ERCC4: variants seen among roughly 807,000 people sequenced by gnomAD.
ERCC4 encodes the protein ERCC excision repair 4, endonuclease catalytic subunit.
ERCC4 carries 65 observed loss-of-function variants against 76.9 expected under a neutral mutation model. That is an observed-to-expected ratio of 0.84 (90% CI 0.69 to 1.04). The LOEUF is 1.04. Ranked by LOEUF, ERCC4 falls within the 50% of genes least tolerant of loss-of-function variation. The pLI, the probability that ERCC4 is intolerant of heterozygous loss-of-function variation, is 0.00. For missense variants in ERCC4, 1,214 were observed against 1,128.2 expected, an observed-to-expected ratio of 1.08 and a Z score of -1.09; for synonymous variants, 463 against 410.1, an observed-to-expected ratio of 1.13 and a Z score of -1.56.
chr16:13,949,105 A>G lies in ERCC4; in HGVS notation c.*758A>G, dbSNP rs989352325. The G allele has an allele frequency of 4.3e-6, 1 of 233,026 alleles. No homozygotes were observed. The highest frequency in any genetic ancestry group is 8.5e-6 in the Non-Finnish European group (1 of 117,964). 14.4% of individuals were successfully genotyped at this position (233,026 alleles called of 1,614,324 possible). A position where few individuals can be genotyped will look rare whatever the true frequency, so the allele number is the denominator to read the frequency against. ...AATGACCCTAACATATGTAGCATAT[A>G]CTATAATTTCATTGTTCCAAATTAG... On this transcript the variant is annotated 3_prime_UTR_variant, in exon 11 of 11. Transcript: ENST00000311895.
chr16:13,931,858 C>T (rs2032178536), intron 5 of ERCC4: 1 of 328,738 alleles, frequency 3.0e-6, no homozygotes, highest in Middle Eastern at 8.3e-4. Flanking sequence ...TGCTTTTACG[C>T]CATCACTGGA....
At position 13,948,139 on chromosome 16, in the gene ERCC4, C is replaced by T. The variant is rs2141621070; in HGVS notation, c.2543C>T (p.Pro848Leu). ...LPESEKYNPGPQDFLLKMPGV... is the reference protein window; with the variant it reads ...LPESEKYNPGLQDFLLKMPGV... ...GAGTCAGAGAAGTATAATCCTGGTC[C>T]CCAAGACTTCTTGTTAAAAATGCCA... is the stretch of plus-strand genomic sequence containing the variant. The change falls in exon 11 of 11, where the codon CCC (proline) becomes CTC (leucine). Residue 848 changes from proline to leucine, a missense_variant. Coordinates refer to ENST00000311895, the MANE Select transcript of ERCC4 (RefSeq NM_005236.3). 6.2e-7 allele frequency: 1 copy of T among 1,614,096 alleles called. No individual in the cohort carries two copies. Among genetic ancestry groups the T allele is most frequent in the Non-Finnish European group, 8.5e-7 (1 of 1,180,022 alleles).
At chr16:13,930,245 A>G (rs1183247979) in intron 4 of ERCC4, among the ~76,000 whole-genome samples, 1 of 152,118 alleles carries the variant, frequency 6.6e-6, no homozygotes, top group Non-Finnish European at 1.5e-5. Context: ...GTGCTTGTGT[A>G]TGCCCTCTGC....
chr16:13,944,913 T>C, intron 10 of ERCC4, 78 bp downstream of exon 10: 2 of 922,422 alleles, frequency 2.2e-6, no homozygotes, highest in African/African-American at 1.6e-5. Flanking sequence ...CTGCCAAGGC[T>C]TGGTCTGTAT....
intron 9 of ERCC4, 95 bp downstream of exon 9, chr16:13,937,953 A>G (rs1293047604): frequency 3.7e-6 from 3 of 817,470 alleles, no homozygotes; most frequent in Non-Finnish European, 4.2e-6. Context: ...GGATAGGGCA[A>G]GGAAGACGTT....
At chr16:13,947,171 C>G (rs1442896908) in intron 10 of ERCC4, among the ~76,000 whole-genome samples, 1 of 152,204 alleles carries the variant, frequency 6.6e-6, no homozygotes, top group Non-Finnish European at 1.5e-5. Flanking sequence ...TTCCCCATCT[C>G]TGGACTCACT....
chr16:13,941,692 C>T (rs541152103), intron 9 of ERCC4, among the ~76,000 whole-genome samples: 17 of 152,214 alleles, frequency 1.1e-4, no homozygotes, highest in Admixed American at 7.2e-4. Flanking sequence ...TACCCAGGGA[C>T]GTAAAATGCT....
At chr16:13,929,327 C>T (rs1567244771) in intron 4 of ERCC4, among the ~76,000 whole-genome samples, 1 of 152,218 alleles carries the variant, frequency 6.6e-6, no homozygotes. Context: ...AGTTATATAT[C>T]CCAGTTTGTT....
chr16:13,938,236 T>G (rs3136166), intron 9 of ERCC4, among the ~76,000 whole-genome samples: 66,104 of 151,966 alleles, frequency 0.43, 16,257 homozygotes, highest in African/African-American at 0.68. Context: ...CAATATGTCC[T>G]TGGGTGGGTG....
chr16:13,950,758 TTA>T lies in ERCC4; in HGVS notation c.*2416_*2417del, dbSNP rs1162270735. On this transcript the variant is annotated 3_prime_UTR_variant, in exon 11 of 11. Transcript: ENST00000311895. ...CCACTTGCTTTTAATTGTTGTTTCA[TTA>T]TATAAAAGGAACATCTTCCCATAGC... 1 of 193,392 alleles carries T rather than the reference TTA, an allele frequency of 5.2e-6. No individual in the cohort carries two copies. The highest frequency in any genetic ancestry group is 2.3e-5 in the African/African-American group (1 of 43,112). The allele number at this position is 193,392 out of a possible 1,614,324, so 12.0% of individuals were successfully genotyped here.
rs188840787 is a variant in ERCC4 at position 13,950,935 on chromosome 16, A to C, written c.*2588A>C. On this transcript the variant is annotated 3_prime_UTR_variant, in exon 11 of 11. Transcript: ENST00000311895. ...ATACCAGTGCCCCCCTGGCTCTCCAAATCTGTTCTTTGCTCTTGTATCTGC... is the reference window on the plus strand; with the variant it reads ...ATACCAGTGCCCCCCTGGCTCTCCACATCTGTTCTTTGCTCTTGTATCTGC... 1.0e-5 allele frequency: 2 copies of C among 195,936 alleles called. No individual in the cohort carries two copies. The highest frequency in any genetic ancestry group is 7.9e-5 in the East Asian group (1 of 12,590). The allele number at this position is 195,936 out of a possible 1,614,324, so 12.1% of individuals were successfully genotyped here. A position where few individuals can be genotyped will look rare whatever the true frequency, so the allele number is the denominator to read the frequency against.
intron 1 of ERCC4, among the ~76,000 whole-genome samples, chr16:13,921,652 AGGATTCCC>A (rs2031978888): frequency 6.6e-6 from 1 of 152,232 alleles, no homozygotes; most frequent in Admixed American, 6.5e-5. Context: ...GTCTGGGGAA[AGGATTCCC>A]TTGTTATCAT....
intron 2 of ERCC4, among the ~76,000 whole-genome samples, chr16:13,923,604 A>G (rs1301194905): frequency 6.6e-6 from 1 of 152,208 alleles, no homozygotes; most frequent in Admixed American, 6.5e-5. Flanking sequence ...TTGAATGCTA[A>G]CACCCTGCTT....
Position 13,950,320 on chromosome 16 carries a change from T to C in ERCC4, c.*1973T>C, listed in dbSNP as rs1402005852. On this transcript the variant is annotated 3_prime_UTR_variant, in exon 11 of 11. Transcript: ENST00000311895. The stretch of plus-strand genomic sequence containing the variant: ...AACCTCTCACATTGGCATCTTGATT[T>C]ATTGGTACTTAACAGTATATATGGA... The C allele has an allele frequency of 2.6e-5, 5 of 189,028 alleles. No homozygotes were observed. In the East Asian group the frequency reaches 4.2e-4, roughly 16 times the overall value. 11.7% of individuals were successfully genotyped at this position (189,028 alleles called of 1,614,324 possible).
At position 13,951,769 on chromosome 16, in the gene ERCC4, G is replaced by T; in HGVS notation, c.*3422G>T. Reference sequence around the variant, plus strand: ...GGGCAGGGGGAAAGAGGCATTACTGGTCTTTCCTTTTGTTTTGCAAGCATA... The same window carrying T: ...GGGCAGGGGGAAAGAGGCATTACTGTTCTTTCCTTTTGTTTTGCAAGCATA... On this transcript the variant is annotated 3_prime_UTR_variant, in exon 11 of 11. Transcript: ENST00000311895. The T allele has an allele frequency of 4.5e-6, 1 of 222,220 alleles. No homozygotes were observed. Among genetic ancestry groups the T allele is most frequent in the Non-Finnish European group, 9.0e-6 (1 of 111,148 alleles). The allele number at this position is 222,220 out of a possible 1,614,324, so 13.8% of individuals were successfully genotyped here. A position where few individuals can be genotyped will look rare whatever the true frequency, so the allele number is the denominator to read the frequency against.
intron 1 of ERCC4, among the ~76,000 whole-genome samples, chr16:13,920,788 G>A (rs1481774533): frequency 6.6e-6 from 1 of 150,872 alleles, no homozygotes; most frequent in Non-Finnish European, 1.5e-5. Flanking sequence ...AGAGAAATGG[G>A]AGGGGTCCCC....
At chr16:13,938,493 G>A (rs750231856) in intron 9 of ERCC4, among the ~76,000 whole-genome samples, 47 of 152,330 alleles carry the variant, frequency 3.1e-4, no homozygotes, top group Non-Finnish European at 4.7e-4. Flanking sequence ...GAAGGCATTC[G>A]ATAAATCTGA....
In ERCC4 at chr16:13,941,875, C is replaced by G. The variant is rs3136192; in HGVS notation, c.1905-2848C>G. 1.9e-3 allele frequency among the ~76,000 whole-genome samples: 296 copies of G among 152,272 alleles called. 1 individual carries two copies. Among genetic ancestry groups the G allele is most frequent in the African/African-American group, 6.5e-3 (272 of 41,550 alleles). ...TGCCCATTGGAAGAGACTTCTAGTT[C>G]AGTGCTACTTTCCTATGTTGCCATA... On this transcript the variant is annotated intron_variant, in intron 9 of 10. Coordinates refer to ENST00000311895, the MANE Select transcript of ERCC4 (RefSeq NM_005236.3).
At chr16:13,934,009 T>C in intron 6 of ERCC4, 183 bp from the exon 7 acceptor site, 1 of 542,562 alleles carries the variant, frequency 1.8e-6, no homozygotes, top group Non-Finnish European at 3.3e-6. Context: ...GTTTGAAGTA[T>C]CTTTCATTTA....
Sources: gnomAD v4.1 joint callset for allele counts (sites outside exome capture counted in the v4.1 genomes callset) on GRCh38, gnomAD v4.1.1 for gene constraint, MANE v1.5 for transcripts, NCBI Gene and HGNC (gene_info 2026-07-23, HGNC 2026-07-21) for gene names.